The following TTC7A variants were observed in gnomAD, a reference collection of about 807,000 sequenced individuals.
The protein encoded by TTC7A is tetratricopeptide repeat protein 7A.
In TTC7A, 110 loss-of-function variants were observed where a neutral mutation model predicts 103.7. The ratio of observed to expected loss-of-function variants is 1.06; its 90% confidence interval spans 0.91 to 1.24. TTC7A has a LOEUF of 1.24. Ranked by LOEUF, TTC7A falls within the 50% of genes most tolerant of loss-of-function variation. The pLI is 0.00. For missense variants in TTC7A, 1,340 were observed against 1,116.3 expected, an observed-to-expected ratio of 1.20 and a Z score of -2.86; for synonymous variants, 521 against 467.9, an observed-to-expected ratio of 1.11 and a Z score of -1.47.
intron 4 of TTC7A, 191 bp from the exon 5 acceptor site, chr2:46,978,601 G>A (rs1366937900): frequency 2.7e-5 from 12 of 445,714 alleles, no homozygotes; most frequent in African/African-American, 1.4e-4. Context: ...GGCATCTAAC[G>A]GTTGGATGGG....
At chr2:47,047,224 C>A in intron 16 of TTC7A, 1 of 1,184,594 alleles carries the variant, frequency 8.4e-7, no homozygotes, top group Non-Finnish European at 1.2e-6. Context: ...CTCCCTGAGG[C>A]CTCAGGGGAC....
intron 3 of TTC7A, among the ~76,000 whole-genome samples, chr2:46,966,678 T>C (rs1027016439): frequency 6.7e-6 from 1 of 148,634 alleles, no homozygotes; most frequent in Non-Finnish European, 1.5e-5. Flanking sequence ...TTTTTTTTGG[T>C]GGAGATGGGG....
intron 14 of TTC7A, among the ~76,000 whole-genome samples, chr2:47,026,158 T>C (rs932452131): frequency 6.6e-6 from 1 of 152,142 alleles, no homozygotes; most frequent in Middle Eastern, 3.2e-3. Context: ...GACTGTAAGC[T>C]AGAGTCCTAG....
chr2:47,046,452 C>G lies in TTC7A; in HGVS notation c.1919+21C>G, dbSNP rs910061934. On this transcript the variant is annotated intron_variant, in intron 16 of 19. Coordinates refer to ENST00000319190, the MANE Select transcript of TTC7A (RefSeq NM_020458.4). Reference sequence around the variant, plus strand: ...CTGGGGTGAGTGGCCGTCATTGTCTCTTGGGTTGCCAGAGGGTGGTTGCCA... The same window carrying G: ...CTGGGGTGAGTGGCCGTCATTGTCTGTTGGGTTGCCAGAGGGTGGTTGCCA... 9 of 1,603,004 alleles carry G rather than the reference C, an allele frequency of 5.6e-6. No homozygotes were observed. In the African/African-American group the frequency reaches 6.7e-5, roughly 12 times the overall value.
At chr2:47,015,938 G>A (rs1324488167) in intron 11 of TTC7A, among the ~76,000 whole-genome samples, 2 of 152,198 alleles carry the variant, frequency 1.3e-5, no homozygotes, top group Non-Finnish European at 2.9e-5. Context: ...TTCCGGGCTC[G>A]TGGGAAGGAA....
At chr2:46,942,761 G>A (rs536840089) in intron 1 of TTC7A, among the ~76,000 whole-genome samples, 1 of 152,250 alleles carries the variant, frequency 6.6e-6, no homozygotes, top group East Asian at 1.9e-4. Flanking sequence ...TAAATCACTT[G>A]CACTATTACC....
At chr2:46,925,329 G>C (rs1242223426) in intron 2 of TTC7A, among the ~76,000 whole-genome samples, 1 of 152,114 alleles carries the variant, frequency 6.6e-6, no homozygotes, top group Non-Finnish European at 1.5e-5. Context: ...AGGCTAAGGT[G>C]GGCGGATCAC....
chr2:46,957,054 G>T, intron 3 of TTC7A, 47 bp downstream of exon 3: 2 of 1,610,250 alleles, frequency 1.2e-6, no homozygotes, highest in Non-Finnish European at 1.7e-6. Context: ...TGTGCAGCTC[G>T]TTGCACTCTG....
intron 2 of TTC7A, among the ~76,000 whole-genome samples, chr2:46,928,650 G>A (rs1669531097): frequency 6.6e-6 from 1 of 151,852 alleles, no homozygotes; most frequent in South Asian, 2.1e-4. Flanking sequence ...CACACCTGTG[G>A]TCCCAGCTGT....
chr2:46,973,249 C>T (rs1361432595), intron 3 of TTC7A, among the ~76,000 whole-genome samples: 1 of 152,128 alleles, frequency 6.6e-6, no homozygotes, highest in East Asian at 1.9e-4. Context: ...AACTTGTCCT[C>T]GCGTTTTATG....
intron 5 of TTC7A, among the ~76,000 whole-genome samples, chr2:46,983,666 ACTTTT>A (rs1396582807): frequency 1.3e-5 from 2 of 152,210 alleles, no homozygotes; most frequent in African/African-American, 4.8e-5. Flanking sequence ...GCCTGCCGCC[ACTTTT>A]CTTGTAAATA....
intron 5 of TTC7A, among the ~76,000 whole-genome samples, chr2:46,982,946 C>T (rs1219515371): frequency 2.0e-5 from 3 of 150,978 alleles, no homozygotes; most frequent in African/African-American, 7.3e-5. Context: ...CAGCCTGGGC[C>T]AACAGAGCAA....
chr2:46,923,775 C>T (rs1291940612), intron 2 of TTC7A, among the ~76,000 whole-genome samples: 1 of 151,996 alleles, frequency 6.6e-6, no homozygotes, highest in Non-Finnish European at 1.5e-5. Flanking sequence ...TCTTGTCCAC[C>T]AGGCTGGAGT....
intron 3 of TTC7A, among the ~76,000 whole-genome samples, chr2:46,959,816 T>C (rs1672215347): frequency 6.6e-6 from 1 of 152,114 alleles, no homozygotes; most frequent in African/African-American, 2.4e-5. Flanking sequence ...GTTGCAGCAG[T>C]CTTGGGTTTT....
intron 4 of TTC7A, 25 bp downstream of exon 4, chr2:46,975,128 A>G (rs749893053): frequency 2.5e-6 from 4 of 1,611,870 alleles, no homozygotes; most frequent in South Asian, 2.2e-5. Flanking sequence ...ACACCGTGGT[A>G]GGAGCTGCTC....
At chr2:46,977,764 A>G (rs1572789824) in intron 4 of TTC7A, among the ~76,000 whole-genome samples, 1 of 152,176 alleles carries the variant, frequency 6.6e-6, no homozygotes, top group Non-Finnish European at 1.5e-5. Flanking sequence ...ATTGGGACAG[A>G]GCCTCACTCT....
intron 5 of TTC7A, among the ~76,000 whole-genome samples, chr2:46,983,261 C>G (rs2104305294): frequency 6.6e-6 from 1 of 152,296 alleles, no homozygotes; most frequent in East Asian, 1.9e-4. Context: ...ACCACTTGTG[C>G]CAGAGATGGG....
At chr2:46,999,935 T>A in intron 8 of TTC7A, 1 of 981,828 alleles carries the variant, frequency 1.0e-6, no homozygotes, top group South Asian at 4.7e-5. Flanking sequence ...TAACAGACTT[T>A]GTGCCATGCC....
At chr2:47,045,645 C>G (rs1180429969) in intron 15 of TTC7A, 1 of 152,286 alleles carries the variant, frequency 6.6e-6, no homozygotes, top group African/African-American at 2.4e-5. Context: ...ATAAGGGGAG[C>G]TGGCTATTTT....
Sources: allele counts gnomAD v4.1 joint callset (sites outside exome capture counted in the v4.1 genomes callset), GRCh38; gene constraint gnomAD v4.1.1; transcripts MANE v1.5; gene names NCBI Gene and HGNC (gene_info 2026-07-23, HGNC 2026-07-21).